MTFR1: variants seen among roughly 807,000 people sequenced by gnomAD.
MTFR1 encodes chondrocyte protein with a poly-proline region.
In MTFR1, 28 loss-of-function variants were observed where a neutral mutation model predicts 38.8. The ratio of observed to expected loss-of-function variants is 0.72; its 90% CI spans 0.53 to 0.99. The LOEUF (loss-of-function observed/expected upper bound fraction) is 0.99. MTFR1 is among the 50% of genes least tolerant of loss of function. MTFR1 has a pLI of 0.00. For missense variants in MTFR1, 358 were observed against 395.5 expected, an observed-to-expected ratio of 0.91 and a Z score of 0.81; for synonymous variants, 145 against 137.0, an observed-to-expected ratio of 1.06 and a Z score of -0.41.
intron 6 of MTFR1, among the ~76,000 whole-genome samples, chr8:65,707,629 G>T (rs1805823307): frequency 6.6e-6 from 1 of 152,216 alleles, no homozygotes; most frequent in Non-Finnish European, 1.5e-5. Context: ...TCCATGTTCT[G>T]CAGACATATT....
chr8:65,655,198 G>A (rs1385016348), intron 1 of MTFR1, among the ~76,000 whole-genome samples: 1 of 152,192 alleles, frequency 6.6e-6, no homozygotes, highest in Non-Finnish European at 1.5e-5. Flanking sequence ...TCAGCCTTTA[G>A]TTCAAATATG....
intron 3 of MTFR1, among the ~76,000 whole-genome samples, chr8:65,754,583 G>A (rs1226097439): frequency 3.3e-5 from 5 of 151,200 alleles, no homozygotes; most frequent in South Asian, 2.1e-4. Context: ...TGATCCGCCC[G>A]CCTCGGCCTC....
At chr8:65,719,491 A>G in intron 3 of MTFR1, 1 of 1,607,842 alleles carries the variant, frequency 6.2e-7, no homozygotes, top group Middle Eastern at 1.7e-4. Flanking sequence ...GGTAAGTCAT[A>G]AAACCTTGAG....
chr8:65,729,759 G>A (rs1174945789), intron 3 of MTFR1, among the ~76,000 whole-genome samples: 2 of 151,210 alleles, frequency 1.3e-5, no homozygotes, highest in African/African-American at 4.9e-5. Context: ...TATAGAGATG[G>A]GGTTTCACCA....
intron 3 of MTFR1, among the ~76,000 whole-genome samples, chr8:65,691,515 TC>T (rs1274687005): frequency 1.3e-5 from 2 of 152,154 alleles, no homozygotes; most frequent in African/African-American, 4.8e-5. Context: ...CGTCTCAAGC[TC>T]CTGGGGCCTC....
At chr8:65,672,211 C>A (rs1241900253) in intron 2 of MTFR1, among the ~76,000 whole-genome samples, 2 of 152,176 alleles carry the variant, frequency 1.3e-5, no homozygotes, top group Non-Finnish European at 2.9e-5. Flanking sequence ...TAATCGTAAA[C>A]TTTAATCAGT....
Position 65,709,135 on chromosome 8 carries a change from C to T in MTFR1, c.*91C>T. The T allele has an allele frequency of 9.1e-7, 1 of 1,093,602 alleles. No individual in the cohort carries two copies. The allele number at this position is 1,093,602 out of a possible 1,614,324, so 67.7% of individuals were successfully genotyped here. ...AGAAATCGACACTGTTTAGTAAATACCTCTTTAGTATTCAGTGGTCTTCTT... is the reference window on the plus strand; with the variant it reads ...AGAAATCGACACTGTTTAGTAAATATCTCTTTAGTATTCAGTGGTCTTCTT... On this transcript the variant is annotated 3_prime_UTR_variant, in exon 8 of 8. Transcript: ENST00000262146.
intron 3 of MTFR1, among the ~76,000 whole-genome samples, chr8:65,735,301 G>A (rs1247056084): frequency 6.6e-6 from 1 of 152,052 alleles, no homozygotes; most frequent in Non-Finnish European, 1.5e-5. Context: ...TAGCCTTTCA[G>A]TACCCTTGGT....
At chr8:65,679,333 C>T (rs114710487) in intron 2 of MTFR1, among the ~76,000 whole-genome samples, 79 of 152,204 alleles carry the variant, frequency 5.2e-4, no homozygotes, top group African/African-American at 1.5e-3. Context: ...GGGCCATGTG[C>T]GGTGGTGCAC....
At chr8:65,722,359 C>T (rs1022736298) in intron 3 of MTFR1, 2 of 152,286 alleles carry the variant, frequency 1.3e-5, no homozygotes, top group African/African-American at 2.4e-5. Flanking sequence ...CCATGAGTAT[C>T]CATTGCAATC....
At position 65,707,825 on chromosome 8, in the gene MTFR1, T is replaced by G. The variant is rs1378017132; in HGVS notation, c.765-18T>G. 2 of 1,611,086 alleles carry G rather than the reference T, an allele frequency of 1.2e-6. No individual in the cohort carries two copies. The highest frequency in any genetic ancestry group is 2.7e-5 in the African/African-American group (2 of 74,770). On this transcript the variant is annotated intron_variant, in intron 6 of 7. Transcript: ENST00000262146. ...AGTGTATTGATCTGTCCCCTTGGTT[T>G]GTGTTCACTTCTCTAAGGTCAGAGC...
intron 2 of MTFR1, among the ~76,000 whole-genome samples, chr8:65,715,736 A>G (rs1293876695): frequency 6.8e-6 from 1 of 147,624 alleles, no homozygotes; most frequent in African/African-American, 2.5e-5. Context: ...CTGTAATCCC[A>G]GCACTATGGG....
chr8:65,709,833 T>G lies in MTFR1; in HGVS notation c.*789T>G, dbSNP rs1193454582. The G allele has an allele frequency of 6.6e-6, 1 of 152,670 alleles. No homozygotes were observed. The highest frequency in any genetic ancestry group is 6.5e-5 in the Admixed American group (1 of 15,284). 9.5% of individuals were successfully genotyped at this position (152,670 alleles called of 1,614,324 possible). On this transcript the variant is annotated 3_prime_UTR_variant, in exon 8 of 8. Transcript: ENST00000262146. ...AAAACTCAGAATGTACCATCTTGTT[T>G]CCTTTCAGTTTATTAAATGGCATCA... is the stretch of plus-strand genomic sequence containing the variant.
chr8:65,724,373 T>C (rs746986131), intron 3 of MTFR1: 3 of 1,529,514 alleles, frequency 2.0e-6, no homozygotes, highest in Non-Finnish European at 2.7e-6. Context: ...AACATTAATA[T>C]TGTTTTAAGA....
At chr8:65,724,829 T>C in intron 3 of MTFR1, 1 of 1,612,580 alleles carries the variant, frequency 6.2e-7, no homozygotes, top group East Asian at 2.2e-5. Flanking sequence ...ATCACCTCTA[T>C]CCAAATGGGA....
At chr8:65,718,976 A>G (rs1468643022) in intron 2 of MTFR1, 4 of 360,908 alleles carry the variant, frequency 1.1e-5, no homozygotes, top group Non-Finnish European at 2.1e-5. Flanking sequence ...CACGTTTTGA[A>G]GATTAGATGC....
intron 3 of MTFR1, among the ~76,000 whole-genome samples, chr8:65,755,485 C>A (rs1440493418): frequency 1.3e-5 from 2 of 152,100 alleles, no homozygotes; most frequent in Non-Finnish European, 2.9e-5. Flanking sequence ...TTGAATAATA[C>A]CAATTTAATT....
At chr8:65,776,692 GT>G in the MTFR1 span, among the ~76,000 whole-genome samples, 2 of 151,912 alleles carry the variant, frequency 1.3e-5, no homozygotes, top group Non-Finnish European at 2.9e-5. Context: ...TGTTAATTTT[GT>G]CACTGTTACT....
intron 3 of MTFR1, chr8:65,719,738 C>T: frequency 2.0e-6 from 1 of 491,948 alleles, no homozygotes. Context: ...TATATCTAAC[C>T]TTTTCTGGTT....
Sources: allele counts gnomAD v4.1 joint callset (sites outside exome capture counted in the v4.1 genomes callset), GRCh38; gene constraint gnomAD v4.1.1; transcripts MANE v1.5; gene names NCBI Gene and HGNC (gene_info 2026-07-23, HGNC 2026-07-21).